The following TMOD3 variants were observed in gnomAD, a reference collection of about 807,000 sequenced individuals.
The protein encoded by TMOD3 is tropomodulin 3.
In TMOD3, 20 loss-of-function variants were observed where a neutral mutation model predicts 39.2. That is an observed-to-expected ratio of 0.51 (90% CI 0.36 to 0.74). TMOD3 has a LOEUF of 0.74. Ranked by LOEUF, TMOD3 falls within the 30% of genes least tolerant of loss-of-function variation. The pLI is 0.00. For missense variants in TMOD3, 381 were observed against 412.8 expected, an observed-to-expected ratio of 0.92 and a Z score of 0.67; for synonymous variants, 143 against 145.8, an observed-to-expected ratio of 0.98 and a Z score of 0.14.
rs139890249 is a variant in TMOD3, at chr15:51,841,079, C to G, written c.-75+11243C>G. On this transcript the variant is annotated intron_variant, in intron 1 of 9. Coordinates refer to ENST00000308580, the MANE Select transcript of TMOD3 (RefSeq NM_014547.5). ...ACATATCCTTGAGCAGGCTCTTAGC[C>G]TTTCTGAGCTTCAGTTTCTTCATCT... is the stretch of plus-strand genomic sequence containing the variant. Among the ~76,000 whole-genome samples the G allele has an allele frequency of 4.2e-4, 64 of 152,248 alleles. 1 individual carries two copies. The highest frequency in any genetic ancestry group is 1.5e-3 in the African/African-American group (61 of 41,522).
At chr15:51,834,111 C>T (rs1386605251) in intron 1 of TMOD3, among the ~76,000 whole-genome samples, 2 of 152,016 alleles carry the variant, frequency 1.3e-5, no homozygotes, top group Non-Finnish European at 2.9e-5. Flanking sequence ...CAAGTCTTAC[C>T]TAGTCTTTCA....
At chr15:51,869,919 G>A (rs1335188273) in intron 3 of TMOD3, among the ~76,000 whole-genome samples, 3 of 151,944 alleles carry the variant, frequency 2.0e-5, no homozygotes, top group South Asian at 4.1e-4. Context: ...GCCTGAGTAC[G>A]GCTGTGGTTG....
In TMOD3 at chr15:51,848,737, G is replaced by A. The variant is rs145993663; in HGVS notation, c.-74-14074G>A. Among the ~76,000 whole-genome samples, 41 of 152,316 alleles carry A rather than the reference G, an allele frequency of 2.7e-4. 1 individual carries two copies. The East Asian group carries it at 5.0e-3, about 19-fold the overall frequency. On this transcript the variant is annotated intron_variant, in intron 1 of 9. Transcript: ENST00000308580. ...AACACTGAAATAGTTTTATTTAAAA[G>A]TAAACATATATAATCACCAGAAGTT...
At chr15:51,875,050 T>G (rs2056494745) in intron 3 of TMOD3, 1 of 152,216 alleles carries the variant, frequency 6.6e-6, no homozygotes, top group African/African-American at 2.4e-5. Context: ...CCCAGTTGCC[T>G]TAAACTAAGG....
intron 2 of TMOD3, among the ~76,000 whole-genome samples, chr15:51,863,635 A>G (rs778651026): frequency 2.0e-4 from 30 of 152,188 alleles, no homozygotes; most frequent in Admixed American, 6.5e-5. Flanking sequence ...ATTCCCTGAT[A>G]TGTTGGAGGA....
intron 1 of TMOD3, among the ~76,000 whole-genome samples, chr15:51,843,441 A>G (rs1179571945): frequency 6.6e-6 from 1 of 152,230 alleles, no homozygotes; most frequent in Non-Finnish European, 1.5e-5. Flanking sequence ...ACACCTAACA[A>G]GAAACATTTC....
chr15:51,886,008 C>T lies in TMOD3; in HGVS notation c.284-1581C>T, dbSNP rs546724104. On this transcript the variant is annotated intron_variant, in intron 3 of 9. Coordinates refer to ENST00000308580, the MANE Select transcript of TMOD3 (RefSeq NM_014547.5). Reference sequence around the variant, plus strand: ...GACGGGGCGGCTGGCCAGGCGGAGACGCTCCTCACTTCCCAGACGGGGTGG... The same window carrying T: ...GACGGGGCGGCTGGCCAGGCGGAGATGCTCCTCACTTCCCAGACGGGGTGG... Among the ~76,000 whole-genome samples the T allele has an allele frequency of 7.5e-3, 1,139 of 151,514 alleles. 7 individuals carry two copies. The highest frequency in any genetic ancestry group is 0.014 in the Middle Eastern group (4 of 292).
At chr15:51,874,228 A>G (rs1013634695) in intron 3 of TMOD3, among the ~76,000 whole-genome samples, 4 of 152,206 alleles carry the variant, frequency 2.6e-5, no homozygotes, top group African/African-American at 7.2e-5. Context: ...TAGACTGAGG[A>G]CACTTAAGAG....
At chr15:51,852,713 G>A (rs1183870062) in intron 1 of TMOD3, among the ~76,000 whole-genome samples, 1 of 152,190 alleles carries the variant, frequency 6.6e-6, no homozygotes, top group Non-Finnish European at 1.5e-5. Flanking sequence ...AGAAGGGAAA[G>A]CAGAGATTGA....
At chr15:51,893,368 A>G (rs1361772966) in intron 5 of TMOD3, among the ~76,000 whole-genome samples, 2 of 151,408 alleles carry the variant, frequency 1.3e-5, no homozygotes, top group African/African-American at 4.8e-5. Context: ...TCTTTTCGGA[A>G]TTGTGGGGAT....
At chr15:51,882,142 G>A (rs1015778370) in intron 3 of TMOD3, among the ~76,000 whole-genome samples, 8 of 151,726 alleles carry the variant, frequency 5.3e-5, no homozygotes, top group Non-Finnish European at 8.8e-5. Flanking sequence ...TGATCCATCC[G>A]CCTCCGCCTC....
At chr15:51,897,921 C>T (rs1236611613) in intron 7 of TMOD3, among the ~76,000 whole-genome samples, 1 of 152,104 alleles carries the variant, frequency 6.6e-6, no homozygotes, top group African/African-American at 2.4e-5. Flanking sequence ...ACCACCTTGA[C>T]CCAAGCCACC....
chr15:51,850,247 A>G (rs1368501046), intron 1 of TMOD3, among the ~76,000 whole-genome samples: 1 of 152,162 alleles, frequency 6.6e-6, no homozygotes, highest in African/African-American at 2.4e-5. Context: ...AAAGAGCACA[A>G]TTACTGGATA....
chr15:51,851,897 G>A (rs1016458276), intron 1 of TMOD3, among the ~76,000 whole-genome samples: 1 of 152,092 alleles, frequency 6.6e-6, no homozygotes, highest in Non-Finnish European at 1.5e-5. Context: ...GTAGTCCTAG[G>A]CTGAGAGAGC....
At chr15:51,869,465 A>G in intron 3 of TMOD3, 92 bp downstream of exon 3, 3 of 1,232,748 alleles carry the variant, frequency 2.4e-6, no homozygotes, top group Non-Finnish European at 3.5e-6. Flanking sequence ...TTAGAGGTAC[A>G]TCATTGGTAG....
Position 51,891,110 on chromosome 15 carries a change from T to C in TMOD3, c.496+1965T>C, listed in dbSNP as rs184166927. Among the ~76,000 whole-genome samples, 214 of 152,332 alleles carry C rather than the reference T, an allele frequency of 1.4e-3. 11 individuals carry two copies. Among genetic ancestry groups the C allele is most frequent in the East Asian group, 9.8e-3 (51 of 5,192 alleles). On this transcript the variant is annotated intron_variant, in intron 5 of 9. Transcript: ENST00000308580. ...TCTTCATATCATGTAATACCCAGTC[T>C]GTGTCCAGATTTCCTCTGTTCTCTC... is the stretch of plus-strand genomic sequence containing the variant.
At chr15:51,833,530 C>G (rs1343534575) in intron 1 of TMOD3, 1 of 152,194 alleles carries the variant, frequency 6.6e-6, no homozygotes, top group East Asian at 1.9e-4. Context: ...CACCTTCCTC[C>G]AAAGGCAATC....
chr15:51,849,353 A>T (rs139903937), intron 1 of TMOD3, among the ~76,000 whole-genome samples: 1 of 152,212 alleles, frequency 6.6e-6, no homozygotes, highest in Non-Finnish European at 1.5e-5. Flanking sequence ...GAGATTTTAC[A>T]TGGATAGTTA....
chr15:51,888,500 T>G (rs1441920606), intron 4 of TMOD3, among the ~76,000 whole-genome samples: 4 of 152,238 alleles, frequency 2.6e-5, no homozygotes, highest in Non-Finnish European at 5.9e-5. Context: ...CTGCCTTATT[T>G]GTGCACAAGG....
Sources: gnomAD v4.1 joint callset for allele counts (sites outside exome capture counted in the v4.1 genomes callset) on GRCh38, gnomAD v4.1.1 for gene constraint, MANE v1.5 for transcripts, NCBI Gene and HGNC (gene_info 2026-07-23, HGNC 2026-07-21) for gene names.